MYOCD: variants seen among roughly 807,000 people sequenced by gnomAD.
MYOCD encodes myocardin.
MYOCD carries 32 observed loss-of-function variants against 96.1 expected under a neutral mutation model. That is an observed-to-expected ratio of 0.33 (90% CI 0.25 to 0.45). The LOEUF (loss-of-function observed/expected upper bound fraction) is 0.45, where lower values mean the gene tolerates loss of function less well. MYOCD is among the 20% of genes least tolerant of loss of function. The pLI, the probability that MYOCD is intolerant of heterozygous loss-of-function variation, is 1.00. For synonymous variants in MYOCD, 469 were observed against 469.0 expected, an observed-to-expected ratio of 1.00 and a Z score of 0.00; for missense variants, 1,133 against 1,200.6, an observed-to-expected ratio of 0.94 and a Z score of 0.83.
intron 2 of MYOCD, among the ~76,000 whole-genome samples, chr17:12,713,160 A>T (rs1164985340): frequency 1.3e-5 from 2 of 152,226 alleles, no homozygotes; most frequent in Non-Finnish European, 2.9e-5. Context: ...TGCTTGCTAA[A>T]TGGAGATAGT....
chr17:12,691,399 T>C (rs2030438507), intron 1 of MYOCD, among the ~76,000 whole-genome samples: 1 of 152,012 alleles, frequency 6.6e-6, no homozygotes, highest in Non-Finnish European at 1.5e-5. Context: ...GCCATCAGAG[T>C]CTGGGATCAT....
rs763938817 is a variant in MYOCD, at chr17:12,763,310, T to C, written c.2627T>C (p.Ile876Thr). ...ATGAGTGATGTCACCCTTCTAAAAA[T>C]TGGGAGCGAAGAGCCTCACTTTGAT... ...GKMSDVTLLKIGSEEPHFDGI... is the reference protein window; with the variant it reads ...GKMSDVTLLKTGSEEPHFDGI... The change falls in exon 14 of 14, where the codon ATT becomes ACT. Residue 876 changes from isoleucine (I) to threonine (T), a missense_variant. Coordinates refer to ENST00000425538, the MANE Select transcript of MYOCD (RefSeq NM_001146312.3). 8 of 1,609,266 alleles carry C rather than the reference T, an allele frequency of 5.0e-6. No homozygotes were observed. Among genetic ancestry groups the C allele is most frequent in the African/African-American group, 1.3e-5 (1 of 74,544 alleles).
chr17:12,669,850 C>A (rs1219960177), intron 1 of MYOCD, among the ~76,000 whole-genome samples: 3 of 152,156 alleles, frequency 2.0e-5, no homozygotes, highest in African/African-American at 7.2e-5. Context: ...GATCTCTTGA[C>A]CAATCCGAGT....
At chr17:12,758,030 A>G in intron 11 of MYOCD, 55 bp from the exon 12 acceptor site, 1 of 1,366,584 alleles carries the variant, frequency 7.3e-7, no homozygotes, top group South Asian at 1.2e-5. Context: ...GAACAGAAAC[A>G]ACATAATTTC....
At chr17:12,704,865 G>T in intron 1 of MYOCD, 1 of 400,864 alleles carries the variant, frequency 2.5e-6, no homozygotes, top group Middle Eastern at 7.3e-4. Context: ...AGAGAGCATG[G>T]CACTGCGAAA....
intron 9 of MYOCD, among the ~76,000 whole-genome samples, chr17:12,747,549 G>A (rs1023278593): frequency 6.6e-6 from 1 of 152,052 alleles, no homozygotes; most frequent in Non-Finnish European, 1.5e-5. Flanking sequence ...CATGTGCGAC[G>A]TGTGGAGCAT....
intron 1 of MYOCD, among the ~76,000 whole-genome samples, chr17:12,690,416 C>G (rs1405531758): frequency 6.6e-6 from 1 of 151,942 alleles, no homozygotes. Context: ...TACAAAATGG[C>G]TCATCTTTAA....
intron 12 of MYOCD, among the ~76,000 whole-genome samples, chr17:12,759,137 A>G (rs1185110859): frequency 6.6e-6 from 1 of 152,232 alleles, no homozygotes; most frequent in East Asian, 1.9e-4. Flanking sequence ...ATAGCCCTTC[A>G]TATGTGCTCA....
chr17:12,731,395 T>C (rs1182950304), intron 5 of MYOCD, among the ~76,000 whole-genome samples: 3 of 152,226 alleles, frequency 2.0e-5, no homozygotes, highest in Non-Finnish European at 2.9e-5. Flanking sequence ...CCAGTTTTTC[T>C]GGTTCTGGAG....
rs1027737523 is a variant in MYOCD, at chr17:12,715,157, G to A, written c.122-362G>A. Among the ~76,000 whole-genome samples, 3 of 151,966 alleles carry A rather than the reference G, an allele frequency of 2.0e-5. No individual in the cohort carries two copies. The East Asian group carries it at 5.8e-4, about 29-fold the overall frequency. On this transcript the variant is annotated intron_variant, in intron 2 of 13. Transcript: ENST00000425538. ...CTCTAGGGCAGAGCAAAGTCAAAGA[G>A]GGTGGTAGTTACCCAAGTCTACACC...
intron 7 of MYOCD, 78 bp downstream of exon 7, chr17:12,739,406 A>C (rs751484175): frequency 8.9e-6 from 13 of 1,453,796 alleles, no homozygotes; most frequent in Non-Finnish European, 1.2e-5. Flanking sequence ...TTTCTGAGTT[A>C]GGTCTGACAA....
intron 2 of MYOCD, among the ~76,000 whole-genome samples, chr17:12,706,740 A>C (rs1383645024): frequency 6.6e-6 from 1 of 152,184 alleles, no homozygotes; most frequent in Non-Finnish European, 1.5e-5. Flanking sequence ...ATATAAATCA[A>C]ATGTTCATTT....
intron 10 of MYOCD, 120 bp downstream of exon 10, chr17:12,753,466 C>A: frequency 1.2e-6 from 1 of 857,528 alleles, no homozygotes; most frequent in Non-Finnish European, 1.7e-6. Flanking sequence ...AAAAGCATAG[C>A]AGAATCTCCC....
At position 12,752,545 on chromosome 17, in the gene MYOCD, G is replaced by A. The variant is rs376729730; in HGVS notation, c.1257G>A (p.Thr419=). 33 of 1,614,084 alleles carry A rather than the reference G, an allele frequency of 2.0e-5. No homozygotes were observed. The highest frequency in any genetic ancestry group is 7.7e-5 in the South Asian group (7 of 91,068). The part of the protein sequence containing the change: ...GNPVPNFGDI[T]TVTFPVTPNT... ...CAGTGCCGAACTTTGGGGATATAAC[G>A]ACTGTCACTTTTCCTGTCACACCCA... Residue 419 remains threonine, a synonymous_variant, in exon 10 of 14, where the codon ACG becomes ACA. Transcript: ENST00000425538.
intron 13 of MYOCD, chr17:12,762,853 T>G: frequency 7.6e-6 from 4 of 525,024 alleles, no homozygotes; most frequent in East Asian, 3.2e-5. Context: ...GAGAAGAGAG[T>G]TTAATAATCA....
intron 1 of MYOCD, among the ~76,000 whole-genome samples, chr17:12,676,245 GCACACACACACACACACACACACA>G (rs36211306): frequency 2.1e-5 from 3 of 145,586 alleles, no homozygotes; most frequent in Non-Finnish European, 3.0e-5. Context: ...GCGCGCGCAC[GCACACACACACACACACACACACA>G]CACACACACA....
Position 12,763,567 on chromosome 17 carries a change from A to G in MYOCD, c.2884A>G (p.Ile962Val), listed in dbSNP as rs758923452. The change falls in exon 14 of 14, where the codon ATC becomes GTC. Residue 962 changes from isoleucine to valine, a missense_variant. By Grantham distance (29) the Ile-to-Val change is conservative. Coordinates refer to ENST00000425538, the MANE Select transcript of MYOCD (RefSeq NM_001146312.3). ...FSALTTSSPS[I>V]FNIDFLDVTD... ...CGCCCTCACCACCAGCAGCCCCAGC[A>G]TCTTCAACATCGATTTCCTGGATGT... The G allele has an allele frequency of 1.7e-5, 28 of 1,614,180 alleles. No homozygotes were observed. The East Asian group carries it at 3.3e-4, about 19-fold the overall frequency.
chr17:12,681,061 A>G (rs902239415), intron 1 of MYOCD, among the ~76,000 whole-genome samples: 2 of 152,180 alleles, frequency 1.3e-5, no homozygotes, highest in Non-Finnish European at 2.9e-5. Flanking sequence ...GCGCTGAAGG[A>G]GCTATCTCAA....
intron 1 of MYOCD, chr17:12,671,939 A>T (rs1419181367): frequency 3.3e-5 from 5 of 152,230 alleles, no homozygotes; most frequent in Non-Finnish European, 7.3e-5. Context: ...GGTACCCCAC[A>T]TCTCTGTCCA....
Sources: allele counts gnomAD v4.1 joint callset (sites outside exome capture counted in the v4.1 genomes callset), GRCh38; gene constraint gnomAD v4.1.1; transcripts MANE v1.5; gene names NCBI Gene and HGNC (gene_info 2026-07-23, HGNC 2026-07-21).